Variants in CHD1 observed in about 807,000 individuals in gnomAD.
CHD1 encodes chromodomain helicase DNA binding protein 1.
Under a neutral mutation model 224.2 loss-of-function variants are expected in CHD1, and 36 were observed. The ratio of observed to expected loss-of-function variants is 0.16; its 90% CI spans 0.12 to 0.21. CHD1 has a LOEUF of 0.21. Among genes scored for constraint, CHD1 ranks in the 10% least tolerant of loss-of-function variants. The probability of loss-of-function intolerance (pLI) is 1.00; values close to 1 mark genes in which losing one functional copy is unlikely to be tolerated. For synonymous variants in CHD1, 668 were observed against 658.3 expected (o/e 1.01, Z -0.23); for missense variants, 1,378 against 1,994.8 (o/e 0.69, Z 5.89).
In CHD1 at chr5:98,901,100, G is replaced by GAA; in HGVS notation, c.588-20_588-19dup. The GAA allele has an allele frequency of 5.3e-6, 8 of 1,504,470 alleles. No homozygotes were observed. Among genetic ancestry groups the GAA allele is most frequent in the South Asian group, 1.3e-5 (1 of 76,880 alleles). The allele number at this position is 1,504,470 out of a possible 1,614,324, so 93.2% of individuals were successfully genotyped here. A position where few individuals can be genotyped will look rare whatever the true frequency, so the allele number is the denominator to read the frequency against. On this transcript the variant is annotated intron_variant, in intron 6 of 35. Transcript: ENST00000614616. ...ACTTAGATCTAGGAAAGTGCAAAGA[G>GAA]AAAAAAAAACAAGATTTGAGAAACT...
rs144567251 is a variant in CHD1, at chr5:98,889,098, T to C, written c.2321A>G (p.Tyr774Cys). The C allele has an allele frequency of 5.7e-6, 9 of 1,591,866 alleles. No individual in the cohort carries two copies. The highest frequency in any genetic ancestry group is 1.7e-4 in the Middle Eastern group (1 of 5,996). The change falls in exon 16 of 36, where the codon TAT becomes TGT. Residue 774 changes from tyrosine to cysteine, a missense_variant. Transcript: ENST00000614616. ...TACTTGTAAGGCCTCCTGTTTATTA[T>C]AGAATTCATTATTATCTGGTGGTTT... Reference protein sequence around the residue: ...LIKPPDNNEFYNKQEALQHLI... With the variant: ...LIKPPDNNEFCNKQEALQHLI...
At chr5:98,874,005 G>A (rs2112336745) in intron 25 of CHD1, among the ~76,000 whole-genome samples, 1 of 152,276 alleles carries the variant, frequency 6.6e-6, no homozygotes, top group South Asian at 2.1e-4. Context: ...ATTTTAAGAT[G>A]TTCAGAATGA....
chr5:98,881,923 A>G (rs537061430), intron 20 of CHD1, 52 bp downstream of exon 20: 1 of 1,497,990 alleles, frequency 6.7e-7, no homozygotes, highest in South Asian at 1.2e-5. Context: ...CATATCAAAA[A>G]TATGAGTTTA....
At chr5:98,902,471 T>C (rs1187193224) in intron 5 of CHD1, among the ~76,000 whole-genome samples, 1 of 152,032 alleles carries the variant, frequency 6.6e-6, no homozygotes, top group African/African-American at 2.4e-5. Flanking sequence ...CTTTAGGAAA[T>C]TACAGTGAGT....
At chr5:98,883,022 A>G (rs2112406831) in intron 19 of CHD1, 66 bp downstream of exon 19, 211 of 906,918 alleles carry the variant, frequency 2.3e-4, no homozygotes, top group Middle Eastern at 7.4e-4. Context: ...ATAAACTGAA[A>G]TCACTTCCAA....
chr5:98,907,977 T>C (rs1157762167), intron 2 of CHD1, among the ~76,000 whole-genome samples: 1 of 152,072 alleles, frequency 6.6e-6, no homozygotes, highest in African/African-American at 2.4e-5. Context: ...GTGAAAAGCC[T>C]CTCCCTAATA....
chr5:98,922,146 T>C (rs6880359), intron 2 of CHD1, among the ~76,000 whole-genome samples: 18,670 of 151,914 alleles, frequency 0.12, 1,789 homozygotes, highest in African/African-American at 0.27. Flanking sequence ...TGAGACTCCA[T>C]CTCAATTAAA....
chr5:98,861,594 T>G (rs1338077807), intron 32 of CHD1, among the ~76,000 whole-genome samples: 1 of 151,672 alleles, frequency 6.6e-6, no homozygotes, highest in Non-Finnish European at 1.5e-5. Flanking sequence ...CTCTACCTCC[T>G]GGGTTCAAGC....
At chr5:98,888,008 A>G in intron 17 of CHD1, 80 bp downstream of exon 17, 1 of 917,596 alleles carries the variant, frequency 1.1e-6, no homozygotes, top group Non-Finnish European at 1.6e-6. Context: ...AAACACTTAT[A>G]AAATAATTTC....
chr5:98,923,353 T>C (rs1457629235), intron 2 of CHD1, among the ~76,000 whole-genome samples: 2 of 152,206 alleles, frequency 1.3e-5, no homozygotes, highest in Non-Finnish European at 2.9e-5. Flanking sequence ...AGAAATATGC[T>C]TTGCAATTAT....
In CHD1 at chr5:98,872,038, AATAG is replaced by A. The variant is rs1749390203; in HGVS notation, c.3861+9_3861+12del. 2 of 1,584,928 alleles carry A rather than the reference AATAG, an allele frequency of 1.3e-6. No homozygotes were observed. Among genetic ancestry groups the A allele is most frequent in the Non-Finnish European group, 1.7e-6 (2 of 1,164,290 alleles). ...AACATGAATGGTTAACAGAATCAGA[AATAG>A]ATAAATACCTTGTGTGTTAGACTGA... is the stretch of plus-strand genomic sequence containing the variant. On this transcript the variant is annotated intron_variant, in intron 28 of 35. Transcript: ENST00000614616.
chr5:98,926,293 T>C, intron 2 of CHD1, 41 bp downstream of exon 2: 1 of 1,237,324 alleles, frequency 8.1e-7, no homozygotes, highest in Non-Finnish European at 1.1e-6. Context: ...AGTTTTCAAC[T>C]CTCTTCATAG....
chr5:98,873,613 G>A lies in CHD1; in HGVS notation c.3551C>T (p.Ser1184Phe). 6.2e-7 allele frequency: 1 copy of A among 1,602,810 alleles called. No individual in the cohort carries two copies. The highest frequency in any genetic ancestry group is 8.5e-7 in the Non-Finnish European group (1 of 1,175,682). ...GTTACCTGTTCGTTCTGTTCCTGAAGAACTATCCTTTAATGCTTTAATGCA... is the reference window on the plus strand; with the variant it reads ...GTTACCTGTTCGTTCTGTTCCTGAAAAACTATCCTTTAATGCTTTAATGCA... ...NGCIKALKDS[S>F]SGTERTGGRL... is the part of the protein sequence containing the mutation. The change falls in exon 26 of 36, where the codon TCT becomes TTT. Residue 1184 changes from serine to phenylalanine, a missense_variant. Ser to Phe is a radical substitution (Grantham distance 155, BLOSUM62 -2). Transcript: ENST00000614616.
rs537332295 is a variant in CHD1 at position 98,868,838 on chromosome 5, A to G, written c.4108-203T>C. The G allele has an allele frequency of 3.7e-4, 224 of 605,962 alleles. 4 individuals are homozygous for G. The highest frequency in any genetic ancestry group is 1.8e-3 in the South Asian group (62 of 33,830). 37.5% of individuals were successfully genotyped at this position (605,962 alleles called of 1,614,324 possible). A position where few individuals can be genotyped will look rare whatever the true frequency, so the allele number is the denominator to read the frequency against. On this transcript the variant is annotated intron_variant, in intron 30 of 35. Coordinates refer to ENST00000614616, the MANE Select transcript of CHD1 (RefSeq NM_001270.4). ...AAAGCTACTCTGTAATGTTACTCTG[A>G]AGGTAAAGCATTAAAGAGTGTTCAG... is the stretch of plus-strand genomic sequence containing the variant.
At chr5:98,915,422 A>C (rs1241212986) in intron 2 of CHD1, among the ~76,000 whole-genome samples, 1 of 151,906 alleles carries the variant, frequency 6.6e-6, no homozygotes, top group South Asian at 2.1e-4. Context: ...AGTAACTTTT[A>C]ACATGACTAA....
At chr5:98,872,981 CCTG>C (rs1282073604) in intron 26 of CHD1, among the ~76,000 whole-genome samples, 1 of 152,002 alleles carries the variant, frequency 6.6e-6, no homozygotes, top group African/African-American at 2.4e-5. Flanking sequence ...ACAATCACAC[CCTG>C]CTAATTTTTA....
intron 15 of CHD1, among the ~76,000 whole-genome samples, chr5:98,891,254 T>C (rs749548665): frequency 7.2e-5 from 11 of 152,074 alleles, no homozygotes; most frequent in Non-Finnish European, 1.5e-4. Flanking sequence ...TTTTGTATCT[T>C]GAGTAGAGAC....
At chr5:98,923,545 C>CG (rs1310548789) in intron 2 of CHD1, among the ~76,000 whole-genome samples, 1 of 151,760 alleles carries the variant, frequency 6.6e-6, no homozygotes, top group African/African-American at 2.4e-5. Flanking sequence ...CTCAGCCTCG[C>CG]GAGCAGCTGG....
intron 28 of CHD1, among the ~76,000 whole-genome samples, chr5:98,871,503 T>A (rs1411895543): frequency 6.6e-6 from 1 of 150,684 alleles, no homozygotes; most frequent in African/African-American, 2.4e-5. Context: ...CTTACTGGAA[T>A]AATAAAATTA....
Sources: gnomAD v4.1 joint callset for allele counts (sites outside exome capture counted in the v4.1 genomes callset) on GRCh38, gnomAD v4.1.1 for gene constraint, MANE v1.5 for transcripts, NCBI Gene and HGNC (gene_info 2026-07-23, HGNC 2026-07-21) for gene names.